Variants in KIF26B observed in about 807,000 individuals in gnomAD.
KIF26B encodes the protein kinesin family member 26B, also known as kinesin-like protein KIF26B.
KIF26B carries 63 observed loss-of-function variants against 151.2 expected under a neutral mutation model. That is an observed-to-expected ratio of 0.42 (90% CI 0.34 to 0.51). The LOEUF is 0.51. KIF26B is among the 20% of genes least tolerant of loss of function. KIF26B has a pLI of 0.07. For synonymous variants in KIF26B, 1,357 were observed against 1,262.1 expected, an observed-to-expected ratio of 1.08 and a Z score of -1.59; for missense variants, 2,813 against 2,913.6, an observed-to-expected ratio of 0.97 and a Z score of 0.79.
intron 4 of KIF26B, among the ~76,000 whole-genome samples, chr1:245,523,045 G>A (rs1661162968): frequency 6.6e-6 from 1 of 152,166 alleles, no homozygotes; most frequent in Non-Finnish European, 1.5e-5. Context: ...AATTCCATGA[G>A]GCTAGCTACT....
In KIF26B at chr1:245,234,137, T is replaced by C. The variant is rs1015240818; in HGVS notation, c.465+77454T>C. Reference sequence around the variant, plus strand: ...AGGTGGAGGTTGCAGTGAGCCAAGATCGCGCCACTGCACTTCAGCCTGGCC... The same window carrying C: ...AGGTGGAGGTTGCAGTGAGCCAAGACCGCGCCACTGCACTTCAGCCTGGCC... On this transcript the variant is annotated intron_variant, in intron 2 of 14. Coordinates refer to ENST00000407071, the MANE Select transcript of KIF26B (RefSeq NM_018012.4). Among the ~76,000 whole-genome samples the C allele has an allele frequency of 4.0e-5, 6 of 151,254 alleles. No individual in the cohort carries two copies. The South Asian group carries it at 6.2e-4, about 16-fold the overall frequency.
rs148179233 is a variant in KIF26B at position 245,501,613 on chromosome 1, C to T, written c.1167-39154C>T. 1.4e-4 allele frequency among the ~76,000 whole-genome samples: 22 copies of T among 152,300 alleles called. No individual in the cohort carries two copies. In the East Asian group the frequency reaches 3.3e-3, roughly 23 times the overall value. ...GAGATTAGTTTTTATCCGCAGAGCA[C>T]TTTTTAATTGGAGGATAATTGCTAC... On this transcript the variant is annotated intron_variant, in intron 4 of 14. Transcript: ENST00000407071.
chr1:245,455,416 G>A (rs1338339059), intron 4 of KIF26B, among the ~76,000 whole-genome samples: 2 of 151,994 alleles, frequency 1.3e-5, no homozygotes, highest in Non-Finnish European at 2.9e-5. Flanking sequence ...AGGCAGGAGA[G>A]TCGCTTGAAC....
chr1:245,438,726 A>G (rs1425411489), intron 4 of KIF26B, among the ~76,000 whole-genome samples: 1 of 152,228 alleles, frequency 6.6e-6, no homozygotes, highest in Non-Finnish European at 1.5e-5. Context: ...TCCTCAAACG[A>G]TTGCTACACG....
chr1:245,541,035 T>A, intron 5 of KIF26B, 85 bp downstream of exon 5: 2 of 1,094,482 alleles, frequency 1.8e-6, no homozygotes, highest in South Asian at 3.2e-5. Flanking sequence ...AGGCCTCCAA[T>A]GTATTAAAAT....
chr1:245,417,364 T>G (rs1226610935), intron 3 of KIF26B, among the ~76,000 whole-genome samples: 1 of 152,096 alleles, frequency 6.6e-6, no homozygotes, highest in African/African-American at 2.4e-5. Flanking sequence ...TAGGAATGGT[T>G]TAAGAGTCAG....
At chr1:245,262,649 T>A (rs1368816287) in intron 2 of KIF26B, among the ~76,000 whole-genome samples, 2 of 152,068 alleles carry the variant, frequency 1.3e-5, no homozygotes, top group Admixed American at 6.6e-5. Context: ...GGGACGTGGT[T>A]TCTCCATGTT....
Position 245,562,729 on chromosome 1 carries a change from G to T in KIF26B, c.1350+21779G>T, listed in dbSNP as rs545352707. Among the ~76,000 whole-genome samples the T allele has an allele frequency of 9.6e-4, 146 of 152,132 alleles. 1 individual carries two copies. The South Asian group carries it at 0.023, about 24-fold the overall frequency. ...CATTGCCCTTTTTTTATTAGAGTCA[G>T]GATCTCATTGCTCTGTCACCCAGGC... is the stretch of plus-strand genomic sequence containing the variant. On this transcript the variant is annotated intron_variant, in intron 5 of 14. Transcript: ENST00000407071.
intron 3 of KIF26B, among the ~76,000 whole-genome samples, chr1:245,398,798 A>G (rs966743945): frequency 9.9e-5 from 15 of 151,606 alleles, no homozygotes; most frequent in African/African-American, 1.4e-4. Flanking sequence ...TTATATATAT[A>G]TAATTTCCTG....
At chr1:245,418,517 G>A (rs1658370353) in intron 3 of KIF26B, among the ~76,000 whole-genome samples, 1 of 152,124 alleles carries the variant, frequency 6.6e-6, no homozygotes, top group Admixed American at 6.6e-5. Context: ...TTCACAAATG[G>A]GCTACTCTTA....
intron 2 of KIF26B, among the ~76,000 whole-genome samples, chr1:245,255,468 G>GACC (rs1670515615): frequency 6.6e-6 from 1 of 152,218 alleles, no homozygotes; most frequent in African/African-American, 2.4e-5. Context: ...GTCAGGTTGT[G>GACC]AGTTTTCCTT....
chr1:245,494,277 C>G (rs557464321), intron 4 of KIF26B, among the ~76,000 whole-genome samples: 27 of 151,494 alleles, frequency 1.8e-4, no homozygotes, highest in Admixed American at 4.6e-4. Context: ...TTGCACTCCA[C>G]CCTGGGCAAC....
intron 4 of KIF26B, among the ~76,000 whole-genome samples, chr1:245,498,427 A>G (rs1266103897): frequency 6.6e-6 from 1 of 152,180 alleles, no homozygotes; most frequent in Non-Finnish European, 1.5e-5. Context: ...AAGGAAGAAC[A>G]TGCTGAAAAT....
intron 5 of KIF26B, among the ~76,000 whole-genome samples, chr1:245,553,783 C>G (rs1661952575): frequency 6.6e-6 from 1 of 152,082 alleles, no homozygotes; most frequent in African/African-American, 2.4e-5. Context: ...AGTCCCATCC[C>G]AGATTATATG....
intron 2 of KIF26B, among the ~76,000 whole-genome samples, chr1:245,316,121 T>C (rs1671769060): frequency 6.6e-6 from 1 of 151,828 alleles, no homozygotes; most frequent in Admixed American, 6.6e-5. Context: ...AGTCATGTTT[T>C]GGTTCTCTGG....
chr1:245,162,375 CTTTTTTTTTTTTTTTTT>C lies in KIF26B; in HGVS notation c.465+5704_465+5720del, dbSNP rs138853411. ...CTATAGATGCACCCATCAGAAATAT[CTTTTTTTTTTTTTTTTT>C]TTTTTTTTTTTGAGACGGAGTCTCG... On this transcript the variant is annotated intron_variant, in intron 2 of 14. Coordinates refer to ENST00000407071, the MANE Select transcript of KIF26B (RefSeq NM_018012.4). 6.5e-5 allele frequency among the ~76,000 whole-genome samples: 5 copies of C among 76,532 alleles called. No individual in the cohort carries two copies. The East Asian group carries it at 2.2e-3, about 34-fold the overall frequency. 50.2% of individuals were successfully genotyped at this position (76,532 alleles called of 152,430 possible).
At chr1:245,203,570 G>A (rs746893122) in intron 2 of KIF26B, among the ~76,000 whole-genome samples, 5 of 152,144 alleles carry the variant, frequency 3.3e-5, no homozygotes, top group Non-Finnish European at 7.3e-5. Flanking sequence ...TGTGGGTTGC[G>A]TTACTGGGAC....
chr1:245,483,902 G>A (rs529817502), intron 4 of KIF26B, among the ~76,000 whole-genome samples: 1 of 151,978 alleles, frequency 6.6e-6, no homozygotes, highest in Admixed American at 6.5e-5. Flanking sequence ...TAATGTATTA[G>A]TAAAATGTGT....
intron 4 of KIF26B, among the ~76,000 whole-genome samples, chr1:245,526,909 A>G (rs1192935977): frequency 6.6e-6 from 1 of 152,252 alleles, no homozygotes; most frequent in East Asian, 1.9e-4. Flanking sequence ...TTCAAAATAA[A>G]GACATTAAAA....
Sources: gnomAD v4.1 joint callset for allele counts (sites outside exome capture counted in the v4.1 genomes callset) on GRCh38, gnomAD v4.1.1 for gene constraint, MANE v1.5 for transcripts, NCBI Gene and HGNC (gene_info 2026-07-23, HGNC 2026-07-21) for gene names.